Variants in SH3TC1 observed in about 807,000 individuals in gnomAD.
The protein encoded by SH3TC1 is SH3 domain and tetratricopeptide repeats 1.
A neutral mutation model predicts 117.3 loss-of-function variants in SH3TC1; 135 were observed. That is an observed-to-expected ratio of 1.15 (90% confidence interval 1.00 to 1.33). The LOEUF is 1.33. SH3TC1 is among the 40% of genes most tolerant of loss of function. The probability of loss-of-function intolerance (pLI) is 0.00; values close to 1 mark genes in which losing one functional copy is unlikely to be tolerated. For synonymous variants in SH3TC1, 898 were observed against 816.9 expected, an observed-to-expected ratio of 1.10 and a Z score of -1.69; for missense variants, 2,092 against 1,794.3, an observed-to-expected ratio of 1.17 and a Z score of -3.00.
At position 8,205,303 on chromosome 4, in the gene SH3TC1, A is replaced by T. The variant is rs1298943117; in HGVS notation, c.109A>T (p.Met37Leu). 1.3e-6 allele frequency: 2 copies of T among 1,550,428 alleles called. No individual in the cohort carries two copies. The highest frequency in any genetic ancestry group is 4.9e-5 in the East Asian group (2 of 40,906). ...CCGGGACCAGGTCCGGACTGTGGTC[A>T]TGAGGCCCTCTGTGAGCTGGGAGAA... ...STRDQVRTVVMRPSVSWEKAG... is the reference protein window; with the variant it reads ...STRDQVRTVVLRPSVSWEKAG... The change falls in exon 2 of 18, where the codon ATG becomes TTG. Residue 37 changes from methionine (M) to leucine (L), a missense_variant. By Grantham distance (15) the Met-to-Leu change is conservative. Coordinates refer to ENST00000245105, the MANE Select transcript of SH3TC1 (RefSeq NM_018986.5). The surrounding 1 kb of genome is among the most constrained non-coding windows in gnomAD (Gnocchi z 5.4).
chr4:8,223,116 A>G (rs552691329), intron 10 of SH3TC1, 146 bp downstream of exon 10: 221 of 1,191,886 alleles, frequency 1.9e-4, no homozygotes, highest in Non-Finnish European at 2.4e-4. Flanking sequence ...TCCAGGGCAC[A>G]TAGGGGCTGC....
chr4:8,235,687 G>A (rs1477095126), intron 15 of SH3TC1, 132 bp downstream of exon 15: 1 of 1,269,106 alleles, frequency 7.9e-7, no homozygotes, highest in Non-Finnish European at 1.1e-6. Context: ...GTTTCCTAGT[G>A]GTTTCACCGG....
In SH3TC1 at chr4:8,183,487, C is replaced by T. The variant is rs1176342622; in HGVS notation, c.-57+1277C>T. On this transcript the variant is annotated intron_variant, in intron 1 of 16. Transcript: ENST00000508641. The surrounding 1 kb of genome is among the most constrained non-coding windows in gnomAD (Gnocchi z 5.4). ...GCCTGAGGCCCATGGCAAGCAGCCC[C>T]ACCCAAGCAGGCGGCTCCAGGCTTG... Among the ~76,000 whole-genome samples, 2 of 152,236 alleles carry T rather than the reference C, an allele frequency of 1.3e-5. No individual in the cohort carries two copies. The highest frequency in any genetic ancestry group is 2.9e-5 in the Non-Finnish European group (2 of 68,038).
Position 8,237,675 on chromosome 4 carries a change from G to T in SH3TC1, c.3753+5G>T. ...ATCATCTTCTACGACCTGAAGGTGG[G>T]TGGGGAGGGGCTGGGCTCAGGGTGT... is the stretch of plus-strand genomic sequence containing the variant. On this transcript the variant is annotated splice_donor_5th_base_variant and intron_variant, in intron 17 of 17. Transcript: ENST00000245105. The T allele has an allele frequency of 1.3e-6, 2 of 1,592,404 alleles. No homozygotes were observed. The highest frequency in any genetic ancestry group is 1.7e-6 in the Non-Finnish European group (2 of 1,166,710).
chr4:8,219,680 C>T, intron 9 of SH3TC1, 150 bp downstream of exon 9: 2 of 922,572 alleles, frequency 2.2e-6, no homozygotes, highest in Non-Finnish European at 3.0e-6. Flanking sequence ...GCTGCTGCCC[C>T]CTTGGCCCCA....
intron 3 of SH3TC1, among the ~76,000 whole-genome samples, chr4:8,211,443 ACCCGCCCCCGCACC>A (rs1718711963): frequency 6.4e-5 from 1 of 15,562 alleles, no homozygotes; most frequent in Non-Finnish European, 1.1e-4. Context: ...CTCCCTCTCC[ACCCGCCCCCGCACC>A]GTTTTCTCCC....
chr4:8,233,696 T>TCATC (rs769304815), intron 14 of SH3TC1, among the ~76,000 whole-genome samples, 183 bp downstream of exon 14: 8 of 149,976 alleles, frequency 5.3e-5, no homozygotes, highest in East Asian at 2.0e-4. Flanking sequence ...CATCCATCCA[T>TCATC]CATCCATCCA....
intron 12 of SH3TC1, among the ~76,000 whole-genome samples, chr4:8,230,014 C>T (rs537183980): frequency 4.2e-5 from 6 of 143,486 alleles, no homozygotes; most frequent in Non-Finnish European, 9.6e-5. Flanking sequence ...TCGAGGAGAC[C>T]GGGGGCCAGG....
intron 8 of SH3TC1, among the ~76,000 whole-genome samples, 170 bp from the exon 9 acceptor site, chr4:8,219,165 G>T (rs1174103564): frequency 6.6e-6 from 1 of 152,178 alleles, no homozygotes; most frequent in African/African-American, 2.4e-5. Context: ...CCCCTCTGAG[G>T]ACCACGTAGA....
chr4:8,189,790 T>G (rs1717357444), intron 1 of SH3TC1, among the ~76,000 whole-genome samples: 1 of 152,006 alleles, frequency 6.6e-6, no homozygotes, highest in Non-Finnish European at 1.5e-5. Context: ...GGGACCTCAG[T>G]GAAAGCAGAT....
chr4:8,222,361 GTTTTTTT>G (rs5856006), intron 9 of SH3TC1, among the ~76,000 whole-genome samples: 4 of 40,320 alleles, frequency 9.9e-5, no homozygotes, highest in Admixed American at 4.5e-4. Context: ...TCAGGATCTG[GTTTTTTT>G]TTTTTTTTTT....
chr4:8,186,682 G>A lies in SH3TC1; in HGVS notation c.-57+4472G>A, dbSNP rs184256901. Among the ~76,000 whole-genome samples the A allele has an allele frequency of 2.2e-3, 342 of 152,218 alleles. 3 individuals are homozygous for A. Among genetic ancestry groups the A allele is most frequent in the African/African-American group, 7.8e-3 (323 of 41,536 alleles). On this transcript the variant is annotated intron_variant, in intron 1 of 16. Transcript: ENST00000508641. This position sits in a 1 kb window ranked among gnomAD's most constrained non-coding sequence, Gnocchi z 5.2. ...CTTGAGGCTGGGTGCGGTGGCTCAC[G>A]CCTGTAATCCCAGCACTTTGGGAGA...
intron 14 of SH3TC1, 112 bp from the exon 15 acceptor site, chr4:8,235,321 A>G: frequency 1.5e-6 from 2 of 1,293,598 alleles, no homozygotes; most frequent in Non-Finnish European, 2.0e-6. Flanking sequence ...AAAAAGGCTC[A>G]GTTGCACCTG....
Position 8,228,367 on chromosome 4 carries a change from G to A in SH3TC1, c.2673G>A (p.Arg891=), listed in dbSNP as rs1345880706. ...QAAESYYRAL[R]VARDLGQQRN... ...CTGAGAGCTACTACCGCGCCCTGCG[G>A]GTGGCTCGGGACCTGGGCCAGCAAA... is the stretch of plus-strand genomic sequence containing the variant. Residue 891 remains arginine (R), a synonymous_variant, in exon 12 of 18, where the codon CGG becomes CGA. Transcript: ENST00000245105. 2 of 1,611,582 alleles carry A rather than the reference G, an allele frequency of 1.2e-6. No individual in the cohort carries two copies. The highest frequency in any genetic ancestry group is 1.7e-6 in the Non-Finnish European group (2 of 1,179,576).
In SH3TC1 at chr4:8,240,948, C is replaced by G; in HGVS notation, c.4004C>G (p.Pro1335Arg). 1 of 1,609,864 alleles carries G rather than the reference C, an allele frequency of 6.2e-7. No homozygotes were observed. The highest frequency in any genetic ancestry group is 8.5e-7 in the Non-Finnish European group (1 of 1,179,946). The stretch of plus-strand genomic sequence containing the variant: ...GCCCCCTGGTTGGCCCCCAGCCACC[C>G]TCGCTGAGGACAGCATCCAAGGGAG... Reference protein sequence around the residue: ...GWAPWLAPSHPR With the variant: ...GWAPWLAPSHRR Residue 1335 changes from proline (P) to arginine (R), a missense_variant, in exon 18 of 18, where the codon CCT (proline) becomes CGT (arginine). Coordinates refer to ENST00000245105, the MANE Select transcript of SH3TC1 (RefSeq NM_018986.5).
At chr4:8,184,661 G>A (rs1206482136) in intron 1 of SH3TC1, among the ~76,000 whole-genome samples, 4 of 152,180 alleles carry the variant, frequency 2.6e-5, no homozygotes, top group African/African-American at 9.6e-5. Context: ...TTACAGGTAT[G>A]AGCCACTGTG....
At chr4:8,185,369 T>C (rs1235649053) in intron 1 of SH3TC1, among the ~76,000 whole-genome samples, 1 of 151,856 alleles carries the variant, frequency 6.6e-6, no homozygotes, top group East Asian at 1.9e-4. Flanking sequence ...ACATTAAGGC[T>C]CCCTGTGCTG....
At chr4:8,214,650 A>T in intron 5 of SH3TC1, 70 bp downstream of exon 5, 1 of 1,137,636 alleles carries the variant, frequency 8.8e-7, no homozygotes. Context: ...CACACCGTGC[A>T]CTTAGATTAC....
intron 17 of SH3TC1, 29 bp from the exon 18 acceptor site, chr4:8,240,669 T>G (rs1394154310): frequency 2.5e-6 from 4 of 1,612,660 alleles, no homozygotes; most frequent in Non-Finnish European, 2.5e-6. Context: ...CGAGTCCCCC[T>G]TTTGCTGAGC....
Sources: gnomAD v4.1 joint callset for allele counts (sites outside exome capture counted in the v4.1 genomes callset) on GRCh38, gnomAD v4.1.1 for gene constraint, Gnocchi (gnomAD v3.1) non-coding constraint, MANE v1.5 for transcripts, NCBI Gene and HGNC (gene_info 2026-07-23, HGNC 2026-07-21) for gene names.